IRAK3: variants seen among roughly 807,000 people sequenced by gnomAD.
IRAK3 encodes the protein interleukin 1 receptor associated kinase 3.
In IRAK3, 57 loss-of-function variants were observed where a neutral mutation model predicts 56.6. The observed-to-expected ratio is 1.01, with a 90% CI of 0.81 to 1.26. The LOEUF (loss-of-function observed/expected upper bound fraction) is 1.26. IRAK3 is among the 50% of genes most tolerant of loss of function. The pLI is 0.00. For missense variants in IRAK3, 703 were observed against 719.0 expected, an observed-to-expected ratio of 0.98 and a Z score of 0.25; for synonymous variants, 258 against 255.7, an observed-to-expected ratio of 1.01 and a Z score of -0.09.
intron 2 of IRAK3, among the ~76,000 whole-genome samples, chr12:66,204,714 T>G (rs1257270481): frequency 6.6e-6 from 1 of 152,080 alleles, no homozygotes; most frequent in Non-Finnish European, 1.5e-5. Context: ...TAGATCGCAT[T>G]TTTAGTTTTG....
chr12:66,242,481 G>T (rs539829854), intron 8 of IRAK3, among the ~76,000 whole-genome samples: 1 of 152,344 alleles, frequency 6.6e-6, no homozygotes, highest in South Asian at 2.1e-4. Context: ...TTCTCCAAGT[G>T]AGAAAGTAAG....
At chr12:66,221,963 A>G (rs2052738504) in intron 6 of IRAK3, among the ~76,000 whole-genome samples, 1 of 152,210 alleles carries the variant, frequency 6.6e-6, no homozygotes, top group South Asian at 2.1e-4. Context: ...CGGGAGGCGG[A>G]GGTTGCAGTG....
chr12:66,218,605 A>G (rs990377933), intron 6 of IRAK3, among the ~76,000 whole-genome samples: 1 of 152,208 alleles, frequency 6.6e-6, no homozygotes, highest in Non-Finnish European at 1.5e-5. Flanking sequence ...GATAGGTGAA[A>G]ATAGTTTATC....
intron 6 of IRAK3, among the ~76,000 whole-genome samples, chr12:66,217,581 T>C (rs1479857356): frequency 1.3e-5 from 2 of 152,200 alleles, no homozygotes; most frequent in Non-Finnish European, 2.9e-5. Flanking sequence ...AGAAGCTGTT[T>C]CATCAGTATA....
intron 8 of IRAK3, among the ~76,000 whole-genome samples, chr12:66,236,669 C>T (rs564392400): frequency 1.3e-5 from 2 of 152,226 alleles, no homozygotes; most frequent in South Asian, 2.1e-4. Flanking sequence ...CTTGCACATT[C>T]GGAGCCAACC....
At chr12:66,211,949 A>G (rs565442421) in intron 5 of IRAK3, among the ~76,000 whole-genome samples, 15 of 152,162 alleles carry the variant, frequency 9.9e-5, no homozygotes, top group East Asian at 5.8e-4. Context: ...TGTCTCTACT[A>G]AAAACACAAG....
In IRAK3 at chr12:66,254,364, A is replaced by T. The variant is rs148131886; in HGVS notation, c.*6193A>T. The T allele has an allele frequency of 4.6e-4, 70 of 152,282 alleles. No homozygotes were observed. The highest frequency in any genetic ancestry group is 1.6e-3 in the African/African-American group (68 of 41,576). 9.4% of individuals were successfully genotyped at this position (152,282 alleles called of 1,614,324 possible). ...TTTAGATATATGTTTATTGCTATGG[A>T]TATATGTTCCCAAAATATTATTGAA... On this transcript the variant is annotated 3_prime_UTR_variant, in exon 12 of 12. Coordinates refer to ENST00000261233, the MANE Select transcript of IRAK3 (RefSeq NM_007199.3).
chr12:66,226,861 C>T (rs1350500351), intron 7 of IRAK3, 24 bp downstream of exon 7: 1 of 1,324,916 alleles, frequency 7.5e-7, no homozygotes, highest in Non-Finnish European at 1.1e-6. Flanking sequence ...ATTATTCTGT[C>T]TGATCCTCTG....
intron 6 of IRAK3, among the ~76,000 whole-genome samples, chr12:66,222,031 AAAAC>A (rs532510913): frequency 8.5e-5 from 13 of 152,164 alleles, no homozygotes; most frequent in African/African-American, 2.9e-4. Flanking sequence ...TCGATCTCCA[AAAAC>A]AAACAAACAA....
intron 6 of IRAK3, among the ~76,000 whole-genome samples, chr12:66,217,860 C>G (rs1211895812): frequency 6.6e-6 from 1 of 152,048 alleles, no homozygotes; most frequent in Admixed American, 6.6e-5. Flanking sequence ...AGGGAGGAAG[C>G]TGAAGAGAGA....
At chr12:66,237,196 A>G (rs1364323390) in intron 8 of IRAK3, among the ~76,000 whole-genome samples, 1 of 152,096 alleles carries the variant, frequency 6.6e-6, no homozygotes, top group East Asian at 1.9e-4. Context: ...CATTGTGAGG[A>G]GGAAGTGAGG....
chr12:66,211,215 A>G (rs1309571058), intron 4 of IRAK3, among the ~76,000 whole-genome samples: 1 of 152,158 alleles, frequency 6.6e-6, no homozygotes, highest in Non-Finnish European at 1.5e-5. Flanking sequence ...TTTTGAGAGG[A>G]GGTAAAAATC....
chr12:66,204,355 G>C (rs1230501838), intron 2 of IRAK3, among the ~76,000 whole-genome samples: 6 of 152,206 alleles, frequency 3.9e-5, no homozygotes, highest in South Asian at 2.1e-4. Flanking sequence ...CCTACCTCCA[G>C]AATAATCTGG....
chr12:66,211,477 A>G lies in IRAK3; in HGVS notation c.468A>G (p.Gln156=), dbSNP rs138190862. 654 of 1,602,414 alleles carry G rather than the reference A, an allele frequency of 4.1e-4. 4 individuals are homozygous for G. The African/African-American group carries it at 7.9e-3, about 19-fold the overall frequency. The part of the protein sequence containing the change: ...GILLKSSISF[Q]NIIEGTRNFH... The stretch of plus-strand genomic sequence containing the variant: ...TGCTTAAATCTTCCATCAGCTTTCA[A>G]AATATCATAGAAGGAACTAGAAATT... The change falls in exon 5 of 12, where the codon CAA becomes CAG. Residue 156 remains glutamine (Q), a synonymous_variant. Coordinates refer to ENST00000261233, the MANE Select transcript of IRAK3 (RefSeq NM_007199.3).
chr12:66,215,290 A>G (rs757383763), intron 5 of IRAK3, among the ~76,000 whole-genome samples: 3 of 152,128 alleles, frequency 2.0e-5, no homozygotes, highest in Non-Finnish European at 4.4e-5. Flanking sequence ...AGCTGCCACC[A>G]AATCACACTC....
At position 66,193,523 on chromosome 12, in the gene IRAK3, G is replaced by A. The variant is rs531101572; in HGVS notation, c.133+4091G>A. On this transcript the variant is annotated intron_variant, in intron 1 of 11. Coordinates refer to ENST00000261233, the MANE Select transcript of IRAK3 (RefSeq NM_007199.3). ...ATTCAGACTTCCTTTGCTTTTACCC[G>A]ATGTCCTTTCTCTGTTCCAGGATCC... Among the ~76,000 whole-genome samples, 13 of 152,162 alleles carry A rather than the reference G, an allele frequency of 8.5e-5. No homozygotes were observed. In the South Asian group the frequency reaches 1.0e-3, roughly 12 times the overall value.
chr12:66,228,417 C>A, intron 8 of IRAK3, 47 bp downstream of exon 8: 4 of 1,255,286 alleles, frequency 3.2e-6, no homozygotes, highest in South Asian at 1.2e-5. Context: ...CTTCTTTTAT[C>A]CTCACATGTG....
At chr12:66,245,353 G>A in intron 11 of IRAK3, 91 bp downstream of exon 11, 1 of 1,347,058 alleles carries the variant, frequency 7.4e-7, no homozygotes, top group Non-Finnish European at 1.1e-6. Flanking sequence ...TGAATTATTT[G>A]TTAATGAGAC....
intron 1 of IRAK3, among the ~76,000 whole-genome samples, chr12:66,193,035 T>C (rs1332470026): frequency 6.6e-6 from 1 of 152,066 alleles, no homozygotes; most frequent in African/African-American, 2.4e-5. Flanking sequence ...GAGATGGAGT[T>C]TCGCTCTTGT....
Sources: gnomAD v4.1 joint callset for allele counts (sites outside exome capture counted in the v4.1 genomes callset) on GRCh38, gnomAD v4.1.1 for gene constraint, MANE v1.5 for transcripts, NCBI Gene and HGNC (gene_info 2026-07-23, HGNC 2026-07-21) for gene names.